The following RBFOX3 variants were observed in gnomAD, a reference collection of about 807,000 sequenced individuals.
RBFOX3 encodes the protein RNA binding fox-1 homolog 3, also known as RNA binding protein fox-1 homolog 3.
In RBFOX3, 17 loss-of-function variants were observed where a neutral mutation model predicts 48.7. That is an observed-to-expected ratio of 0.35 (90% CI 0.24 to 0.52). RBFOX3 has a LOEUF of 0.52. Ranked by LOEUF, RBFOX3 falls within the 20% of genes least tolerant of loss-of-function variation. The pLI is 0.94. For missense variants in RBFOX3, 382 were observed against 497.5 expected (o/e 0.77, Z 2.21); for synonymous variants, 212 against 209.5 (o/e 1.01, Z -0.10).
chr17:79,442,548 T>C (rs2071365756), intron 2 of RBFOX3, among the ~76,000 whole-genome samples: 1 of 151,726 alleles, frequency 6.6e-6, no homozygotes, highest in Non-Finnish European at 1.5e-5. Flanking sequence ...GTTGCTGGGA[T>C]TTCATGACAA....
At chr17:79,136,170 T>C (rs988414505) in intron 4 of RBFOX3, 2 of 152,196 alleles carry the variant, frequency 1.3e-5, no homozygotes, top group Non-Finnish European at 2.9e-5. Flanking sequence ...ATCTGTTGTG[T>C]CCGTCACGCT....
intron 1 of RBFOX3, among the ~76,000 whole-genome samples, chr17:79,595,972 G>A: frequency 1.3e-5 from 2 of 152,358 alleles, no homozygotes; most frequent in Middle Eastern, 6.8e-3. Flanking sequence ...TCCGAAGGAT[G>A]CAGCTGGCCC....
intron 2 of RBFOX3, among the ~76,000 whole-genome samples, chr17:79,366,393 T>G (rs2057754359): frequency 6.6e-6 from 1 of 152,228 alleles, no homozygotes; most frequent in African/African-American, 2.4e-5. Flanking sequence ...TTTAAAGTGT[T>G]TATTTAATTC....
chr17:79,551,335 G>A (rs1272801717), intron 1 of RBFOX3, among the ~76,000 whole-genome samples: 1 of 151,972 alleles, frequency 6.6e-6, no homozygotes, highest in African/African-American at 2.4e-5. Context: ...AGTATAATTT[G>A]GATATTTGTC....
intron 3 of RBFOX3, among the ~76,000 whole-genome samples, chr17:79,286,994 G>A (rs148052363): frequency 1.9e-3 from 297 of 152,354 alleles, no homozygotes; most frequent in African/African-American, 6.9e-3. Flanking sequence ...GCAGCATGAA[G>A]CCAGGCACAG....
At chr17:79,544,975 C>CAAAAAAAAAAAAAA (rs10584963) in intron 1 of RBFOX3, among the ~76,000 whole-genome samples, 3 of 81,626 alleles carry the variant, frequency 3.7e-5, no homozygotes, top group Non-Finnish European at 4.9e-5. Flanking sequence ...TCATTAAGGG[C>CAAAAAAAAAAAAAA]AAAAAAAAAA....
At chr17:79,465,452 A>G (rs1237709287) in intron 2 of RBFOX3, among the ~76,000 whole-genome samples, 3 of 152,192 alleles carry the variant, frequency 2.0e-5, no homozygotes, top group Non-Finnish European at 4.4e-5. Context: ...TGCCCAGCGA[A>G]CAGATGGCAG....
At chr17:79,486,188 G>T (rs1367641251) in intron 1 of RBFOX3, among the ~76,000 whole-genome samples, 2 of 152,180 alleles carry the variant, frequency 1.3e-5, no homozygotes, top group Non-Finnish European at 2.9e-5. Flanking sequence ...TGGGAGCGTA[G>T]TTGGGGGCTG....
At chr17:79,511,083 G>T (rs2149846512) in intron 1 of RBFOX3, among the ~76,000 whole-genome samples, 1 of 152,296 alleles carries the variant, frequency 6.6e-6, no homozygotes, top group South Asian at 2.1e-4. Flanking sequence ...GCTCTGCCAG[G>T]ACTGTCCTCA....
chr17:79,595,212 G>A (rs2093536782), intron 1 of RBFOX3, among the ~76,000 whole-genome samples: 1 of 151,996 alleles, frequency 6.6e-6, no homozygotes, highest in Non-Finnish European at 1.5e-5. Context: ...CCACCAAGGT[G>A]CAAGGTCAAG....
At chr17:79,442,826 G>A (rs1210094966) in intron 2 of RBFOX3, among the ~76,000 whole-genome samples, 1 of 152,174 alleles carries the variant, frequency 6.6e-6, no homozygotes, top group African/African-American at 2.4e-5. Context: ...CCCCTCCCAG[G>A]AGGACAGGAC....
At chr17:79,183,727 G>C (rs930243257) in intron 4 of RBFOX3, among the ~76,000 whole-genome samples, 1 of 152,122 alleles carries the variant, frequency 6.6e-6, no homozygotes. Context: ...GCGTGTGCGC[G>C]CGTGTGTAGC....
chr17:79,333,944 T>C (rs2080796946), intron 2 of RBFOX3, among the ~76,000 whole-genome samples: 1 of 152,156 alleles, frequency 6.6e-6, no homozygotes, highest in Non-Finnish European at 1.5e-5. Flanking sequence ...CACTGCCACA[T>C]CGTCCCTTCC....
intron 4 of RBFOX3, among the ~76,000 whole-genome samples, chr17:79,227,909 A>G (rs1350985576): frequency 6.6e-6 from 1 of 152,218 alleles, no homozygotes; most frequent in East Asian, 1.9e-4. Flanking sequence ...TAGGTACTGC[A>G]GCTTTTTAGC....
At chr17:79,412,439 G>C (rs1568204114) in intron 2 of RBFOX3, among the ~76,000 whole-genome samples, 2 of 151,986 alleles carry the variant, frequency 1.3e-5, no homozygotes, top group African/African-American at 4.8e-5. Flanking sequence ...ACATGTGTGT[G>C]ATATGTGTGA....
intron 2 of RBFOX3, among the ~76,000 whole-genome samples, chr17:79,432,590 T>C (rs2068662928): frequency 6.6e-6 from 1 of 152,236 alleles, no homozygotes; most frequent in Non-Finnish European, 1.5e-5. Context: ...CAAAGGACAA[T>C]TAATTAATTT....
At chr17:79,191,004 T>TGAGGAAACA (rs2054414933) in intron 4 of RBFOX3, among the ~76,000 whole-genome samples, 1 of 152,156 alleles carries the variant, frequency 6.6e-6, no homozygotes, top group African/African-American at 2.4e-5. Flanking sequence ...AGAATTGAAC[T>TGAGGAAACA]GAGGAAACAG....
At chr17:79,573,388 C>A (rs1245188473) in intron 1 of RBFOX3, among the ~76,000 whole-genome samples, 3 of 152,328 alleles carry the variant, frequency 2.0e-5, no homozygotes, top group East Asian at 3.9e-4. Flanking sequence ...GCTATGCAGT[C>A]CCCAGCCGTG....
intron 8 of RBFOX3, among the ~76,000 whole-genome samples, chr17:79,102,528 G>A (rs933146472): frequency 8.5e-5 from 13 of 152,332 alleles, no homozygotes; most frequent in East Asian, 3.9e-4. Flanking sequence ...CACCCAGGCC[G>A]CAGCAAGGGA....
Sources: allele counts gnomAD v4.1 joint callset (sites outside exome capture counted in the v4.1 genomes callset), GRCh38; gene constraint gnomAD v4.1.1; transcripts MANE v1.5; gene names NCBI Gene and HGNC (gene_info 2026-07-23, HGNC 2026-07-21).